IFT122: variants seen among roughly 807,000 people sequenced by gnomAD.
IFT122 encodes intraflagellar transport protein 122 homolog.
Under a neutral mutation model 161.6 loss-of-function variants are expected in IFT122, and 118 were observed. That is an observed-to-expected ratio of 0.73 (90% confidence interval 0.63 to 0.85). IFT122 has a LOEUF of 0.85. Ranked by LOEUF, IFT122 falls within the 40% of genes least tolerant of loss-of-function variation. The pLI, the probability that IFT122 is intolerant of heterozygous loss-of-function variation, is 0.00. For missense variants in IFT122, 1,381 were observed against 1,579.6 expected (o/e 0.87, Z 2.13); for synonymous variants, 550 against 602.4 (o/e 0.91, Z 1.27).
At chr3:129,461,660 C>T (rs59068291) in intron 5 of IFT122, among the ~76,000 whole-genome samples, 20,170 of 152,172 alleles carry the variant, frequency 0.13, 1,710 homozygotes, top group South Asian at 0.24. Context: ...AGAGACAGTG[C>T]AGTTGTCCTC....
rs1488290048 is a variant in IFT122 at position 129,488,318 on chromosome 3, G to T, written c.1913G>T (p.Cys638Phe). ...KLFKEAYQIACLGVTDTDWRE... is the reference protein window; with the variant it reads ...KLFKEAYQIAFLGVTDTDWRE... ...TTCAAGGAAGCCTACCAGATTGCTT[G>T]CTTGGGTGTCACAGACACTGATTGG... The change falls in exon 16 of 30, where the codon TGC becomes TTC. Residue 638 changes from cysteine to phenylalanine, a missense_variant. Cys to Phe is a radical substitution (Grantham distance 205). This residue lies in a region of IFT122 where 544 missense variants were observed against 648.0 expected (regional missense o/e 0.84). Transcript: ENST00000348417. The T allele has an allele frequency of 6.2e-7, 1 of 1,614,176 alleles. No homozygotes were observed. The highest frequency in any genetic ancestry group is 1.3e-5 in the African/African-American group (1 of 75,038).
In IFT122 at chr3:129,507,679, A is replaced by C; in HGVS notation, c.2803A>C (p.Lys935Gln). ...CLDIAQDPAQ[K>Q]DTMLGKFYHF... is the part of the protein sequence containing the mutation. ...GCTGCACACAGCAGATCCTGCCCAGAAGGACACAATGCTTGGCAAGTTCTA... is the reference window on the plus strand; with the variant it reads ...GCTGCACACAGCAGATCCTGCCCAGCAGGACACAATGCTTGGCAAGTTCTA... The change falls in exon 23 of 30, where the codon AAG becomes CAG. Residue 935 changes from lysine (K) to glutamine (Q), a missense_variant. Coordinates refer to ENST00000348417, the MANE Select transcript of IFT122 (RefSeq NM_052989.3). 6.2e-7 allele frequency: 1 copy of C among 1,614,062 alleles called. No individual in the cohort carries two copies. Among genetic ancestry groups the C allele is most frequent in the Non-Finnish European group, 8.5e-7 (1 of 1,179,916 alleles).
intron 9 of IFT122, among the ~76,000 whole-genome samples, chr3:129,475,560 G>A (rs2077824525): frequency 6.6e-6 from 1 of 152,214 alleles, no homozygotes; most frequent in South Asian, 2.1e-4. Flanking sequence ...GCTGAGGTAG[G>A]AGGATCACGT....
intron 15 of IFT122, 170 bp downstream of exon 15, chr3:129,483,852 T>G: frequency 1.4e-6 from 1 of 713,574 alleles, no homozygotes; most frequent in Non-Finnish European, 2.5e-6. Flanking sequence ...CTCCACTCCT[T>G]GCAACCTGTG....
At chr3:129,477,518 C>T (rs1049808069) in intron 11 of IFT122, among the ~76,000 whole-genome samples, 1 of 152,196 alleles carries the variant, frequency 6.6e-6, no homozygotes, top group African/African-American at 2.4e-5. Flanking sequence ...TTTGAAGATT[C>T]TGGCTGTGGT....
At chr3:129,448,256 G>GT (rs1444873592) in intron 1 of IFT122, among the ~76,000 whole-genome samples, 1 of 152,232 alleles carries the variant, frequency 6.6e-6, no homozygotes, top group Non-Finnish European at 1.5e-5. Flanking sequence ...ACGAGTAGAA[G>GT]TTTAACAGGC....
chr3:129,494,092 C>T (rs909217585), intron 17 of IFT122, among the ~76,000 whole-genome samples: 2 of 152,134 alleles, frequency 1.3e-5, no homozygotes, highest in Non-Finnish European at 1.5e-5. Flanking sequence ...AAGAACCTGC[C>T]CATGTTGACA....
chr3:129,507,819 G>A (rs565437247), intron 23 of IFT122, 57 bp downstream of exon 23: 20 of 1,300,218 alleles, frequency 1.5e-5, no homozygotes, highest in East Asian at 9.2e-5. Flanking sequence ...TAGGGGTCCC[G>A]GGCATATCTA....
chr3:129,462,587 AG>A (rs1291907497), intron 5 of IFT122, among the ~76,000 whole-genome samples: 1 of 152,266 alleles, frequency 6.6e-6, no homozygotes, highest in African/African-American at 2.4e-5. Flanking sequence ...TTGGGGCTCC[AG>A]GCAGGCTTAG....
At chr3:129,488,116 GGGT>G (rs2108402270) in intron 15 of IFT122, 138 bp from the exon 16 acceptor site, 2 of 1,385,018 alleles carry the variant, frequency 1.4e-6, no homozygotes, top group East Asian at 4.7e-5. Flanking sequence ...AGGCTGGGCA[GGGT>G]GCTGATTGGC....
At chr3:129,517,085 G>GAGACTGCCCCTGCACACAGACACAC (rs2083965015) in intron 26 of IFT122, among the ~76,000 whole-genome samples, 1 of 87,344 alleles carries the variant, frequency 1.1e-5, no homozygotes, top group Non-Finnish European at 2.3e-5. Context: ...CACACACACA[G>GAGACTGCCCCTGCACACAGACACAC]AGACTGCCCC....
chr3:129,503,117 C>T (rs900997617), intron 20 of IFT122, among the ~76,000 whole-genome samples: 1 of 152,210 alleles, frequency 6.6e-6, no homozygotes, highest in Non-Finnish European at 1.5e-5. Flanking sequence ...TGACAGCCAG[C>T]TCTGCCAGGG....
chr3:129,447,805 C>T (rs1208544156), intron 1 of IFT122, among the ~76,000 whole-genome samples: 4 of 152,148 alleles, frequency 2.6e-5, no homozygotes, highest in African/African-American at 9.7e-5. Flanking sequence ...GCACCGCACC[C>T]AGCCTAAAAT....
intron 18 of IFT122, among the ~76,000 whole-genome samples, chr3:129,497,390 G>A (rs532707536): frequency 1.3e-5 from 2 of 152,348 alleles, no homozygotes; most frequent in South Asian, 4.1e-4. Flanking sequence ...TTCTCAGATG[G>A]TAATAGCGAC....
chr3:129,449,991 G>T, intron 2 of IFT122, 54 bp downstream of exon 2: 4 of 1,113,540 alleles, frequency 3.6e-6, no homozygotes, highest in South Asian at 1.3e-5. Context: ...TCCCTCTTGT[G>T]AGTACTCTGA....
chr3:129,462,467 C>G (rs116415423), intron 5 of IFT122, among the ~76,000 whole-genome samples: 100 of 152,292 alleles, frequency 6.6e-4, no homozygotes, highest in African/African-American at 2.4e-3. Flanking sequence ...GGTCCCTTAG[C>G]TAGTAAGTGG....
Position 129,517,564 on chromosome 3 carries a change from G to A in IFT122, c.3361G>A (p.Asp1121Asn). The A allele has an allele frequency of 1.2e-6, 2 of 1,613,920 alleles. No individual in the cohort carries two copies. The highest frequency in any genetic ancestry group is 1.7e-6 in the Non-Finnish European group (2 of 1,179,858). Residue 1121 changes from aspartate (D) to asparagine (N), a missense_variant, in exon 27 of 30, where the codon GAT (aspartate) becomes AAT (asparagine). Physicochemically the swap from Asp to Asn is conservative, Grantham distance 23 (BLOSUM62 1). Coordinates refer to ENST00000348417, the MANE Select transcript of IFT122 (RefSeq NM_052989.3). Reference protein sequence around the residue: ...IDLEVLRPKRDDRQLEIANNS... With the variant: ...IDLEVLRPKRNDRQLEIANNS... The stretch of plus-strand genomic sequence containing the variant: ...CCTGGAGGTGCTGAGACCCAAGCGG[G>A]ATGACAGACAGCTAGAGATTGCAAA...
intron 1 of IFT122, among the ~76,000 whole-genome samples, chr3:129,441,107 C>T (rs1297025616): frequency 6.6e-6 from 1 of 152,214 alleles, no homozygotes; most frequent in Non-Finnish European, 1.5e-5. Context: ...ATGTCCTATT[C>T]CATTGTTATC....
At chr3:129,495,641 T>C in intron 18 of IFT122, 34 bp downstream of exon 18, 1 of 1,613,296 alleles carries the variant, frequency 6.2e-7, no homozygotes, top group Non-Finnish European at 8.5e-7. Context: ...AAGCTCCAGC[T>C]TGGAGCCCAC....
Sources: gnomAD v4.1 joint callset for allele counts (sites outside exome capture counted in the v4.1 genomes callset) on GRCh38, gnomAD v4.1.1 for gene constraint, gnomAD v4.1.1 regional missense constraint, MANE v1.5 for transcripts, NCBI Gene and HGNC (gene_info 2026-07-23, HGNC 2026-07-21) for gene names.